The following SETBP1 variants were observed in gnomAD, a reference collection of about 807,000 sequenced individuals.
The protein encoded by SETBP1 is SET binding protein 1.
A neutral mutation model predicts 101.0 loss-of-function variants in SETBP1; 9 were observed. That is an observed-to-expected ratio of 0.09 (90% CI 0.05 to 0.16). The LOEUF (loss-of-function observed/expected upper bound fraction) is 0.16, where lower values mean the gene tolerates loss of function less well. Ranked by LOEUF, SETBP1 falls within the 10% of genes least tolerant of loss-of-function variation. The pLI, the probability that SETBP1 is intolerant of heterozygous loss-of-function variation, is 1.00. For synonymous variants in SETBP1, 818 were observed against 788.5 expected (o/e 1.04, Z -0.63); for missense variants, 1,858 against 2,033.8 (o/e 0.91, Z 1.66).
At chr18:44,805,609 A>G (rs2071714499) in intron 2 of SETBP1, among the ~76,000 whole-genome samples, 2 of 152,138 alleles carry the variant, frequency 1.3e-5, no homozygotes, top group Admixed American at 1.3e-4. Flanking sequence ...TGGTAACTTC[A>G]TATGAATTTC....
chr18:44,828,377 T>C (rs2072282649), intron 2 of SETBP1, among the ~76,000 whole-genome samples: 2 of 152,176 alleles, frequency 1.3e-5, no homozygotes, highest in Non-Finnish European at 2.9e-5. Context: ...CTGGCAATGG[T>C]TCTTGAACCA....
chr18:44,950,112 G>T lies in SETBP1; in HGVS notation c.772G>T (p.Ala258Ser). The T allele has an allele frequency of 6.2e-7, 1 of 1,614,036 alleles. No homozygotes were observed. The highest frequency in any genetic ancestry group is 8.5e-7 in the Non-Finnish European group (1 of 1,180,048). Residue 258 changes from alanine to serine, a missense_variant, in exon 4 of 6, where the codon GCT becomes TCT. By Grantham distance (99) the Ala-to-Ser change is moderately conservative. This residue lies in a region of SETBP1 where 581 missense variants were observed against 535.1 expected (regional missense o/e 1.09). Coordinates refer to ENST00000649279, the MANE Select transcript of SETBP1 (RefSeq NM_015559.3). ...CAAGATCCCCGCTCTTGAGCCCGTG[G>T]CTTCCTTTGCAAAGGCCCAGGGTAA... ...TSKIPALEPV[A>S]SFAKAQGKKG... is the part of the protein sequence containing the mutation.
At chr18:44,871,982 C>T (rs188689291) in intron 3 of SETBP1, 1 of 152,294 alleles carries the variant, frequency 6.6e-6, no homozygotes, top group Non-Finnish European at 1.5e-5. Flanking sequence ...ACACCTAACC[C>T]ACCCTGACTC....
intron 2 of SETBP1, among the ~76,000 whole-genome samples, chr18:44,739,308 C>T (rs534370431): frequency 6.6e-6 from 1 of 152,258 alleles, no homozygotes; most frequent in East Asian, 1.9e-4. Context: ...TTTGTGGGGC[C>T]ATTATTCTGC....
chr18:45,054,458 T>C (rs1453104924), intron 5 of SETBP1, among the ~76,000 whole-genome samples: 1 of 152,202 alleles, frequency 6.6e-6, no homozygotes, highest in African/African-American at 2.4e-5. Flanking sequence ...AGTGCTGGGA[T>C]TACAGGCGTG....
intron 4 of SETBP1, among the ~76,000 whole-genome samples, chr18:45,024,523 T>C (rs1305218848): frequency 6.6e-6 from 1 of 152,230 alleles, no homozygotes; most frequent in Non-Finnish European, 1.5e-5. Flanking sequence ...GCTCTTCATC[T>C]TCACTGTACA....
At chr18:44,877,178 C>A in intron 3 of SETBP1, 1 of 921,662 alleles carries the variant, frequency 1.1e-6, no homozygotes, top group Non-Finnish European at 1.3e-6. Context: ...GTGTGTGTCG[C>A]TGGTCCACCA....
intron 3 of SETBP1, among the ~76,000 whole-genome samples, chr18:44,886,256 T>C (rs1599276192): frequency 6.6e-6 from 1 of 152,132 alleles, no homozygotes; most frequent in African/African-American, 2.4e-5. Flanking sequence ...TCAGAAGCCT[T>C]CCAGCCTCTA....
At chr18:44,995,529 T>TTGTGTGTGTGTGTG (rs60256060) in intron 4 of SETBP1, among the ~76,000 whole-genome samples, 13 of 142,876 alleles carry the variant, frequency 9.1e-5, no homozygotes, top group Admixed American at 5.6e-4. Flanking sequence ...GTCCAGGCTT[T>TTGTGTGTGTGTGTG]TGTGTGTGTG....
intron 4 of SETBP1, among the ~76,000 whole-genome samples, chr18:45,016,983 T>A (rs944750555): frequency 6.6e-6 from 1 of 152,166 alleles, no homozygotes; most frequent in Non-Finnish European, 1.5e-5. Flanking sequence ...TCCATTGGAA[T>A]TGCTGTACCC....
At chr18:44,898,646 G>C (rs1430313275) in intron 3 of SETBP1, among the ~76,000 whole-genome samples, 3 of 152,134 alleles carry the variant, frequency 2.0e-5, no homozygotes, top group Non-Finnish European at 2.9e-5. Flanking sequence ...AGGGCTTCGA[G>C]TTCTACTGTA....
intron 2 of SETBP1, among the ~76,000 whole-genome samples, chr18:44,776,524 G>A (rs2071007303): frequency 6.6e-6 from 1 of 152,156 alleles, no homozygotes; most frequent in South Asian, 2.1e-4. Flanking sequence ...AAATTTCATG[G>A]TAAATATTTA....
At chr18:44,787,612 T>C (rs1332206468) in intron 2 of SETBP1, among the ~76,000 whole-genome samples, 2 of 149,358 alleles carry the variant, frequency 1.3e-5, no homozygotes, top group Non-Finnish European at 3.0e-5. Context: ...CCCAGCACTT[T>C]GGGAGGCCGA....
intron 5 of SETBP1, among the ~76,000 whole-genome samples, chr18:45,058,003 G>C (rs1375286007): frequency 6.6e-6 from 1 of 152,190 alleles, no homozygotes; most frequent in African/African-American, 2.4e-5. Flanking sequence ...TTCTGATAAT[G>C]GGAGTGAAAA....
chr18:44,825,892 CA>C (rs1263588317), intron 2 of SETBP1, among the ~76,000 whole-genome samples: 1 of 152,178 alleles, frequency 6.6e-6, no homozygotes, highest in African/African-American at 2.4e-5. Flanking sequence ...CCAACACTGT[CA>C]CCTACTAACT....
chr18:44,959,930 T>C (rs1018499242), intron 4 of SETBP1, among the ~76,000 whole-genome samples: 2 of 152,182 alleles, frequency 1.3e-5, no homozygotes, highest in African/African-American at 4.8e-5. Flanking sequence ...GTTTCTGTTT[T>C]TGAGACAGTC....
At chr18:44,753,754 G>A (rs563960474) in intron 2 of SETBP1, among the ~76,000 whole-genome samples, 1 of 152,292 alleles carries the variant, frequency 6.6e-6, no homozygotes, top group African/African-American at 2.4e-5. Context: ...CACTAAAGGT[G>A]GTGTGTGGTG....
At chr18:44,761,759 G>A (rs1314850358) in intron 2 of SETBP1, among the ~76,000 whole-genome samples, 1 of 152,232 alleles carries the variant, frequency 6.6e-6, no homozygotes, top group African/African-American at 2.4e-5. Flanking sequence ...GGTAATCATT[G>A]TTGTATATGA....
chr18:44,720,905 C>CA (rs1369484038), intron 2 of SETBP1, among the ~76,000 whole-genome samples: 4 of 93,894 alleles, frequency 4.3e-5, no homozygotes, highest in Non-Finnish European at 9.2e-5. Flanking sequence ...CCTCCAACCC[C>CA]CACCCCCCAC....
Sources: allele counts gnomAD v4.1 joint callset (sites outside exome capture counted in the v4.1 genomes callset), GRCh38; gene constraint gnomAD v4.1.1; regional missense constraint gnomAD v4.1.1; transcripts MANE v1.5; gene names NCBI Gene and HGNC (gene_info 2026-07-23, HGNC 2026-07-21).